Variants in PACSIN1 observed in about 807,000 individuals in gnomAD.
The protein encoded by PACSIN1 is protein kinase C and casein kinase substrate in neurons 1.
In PACSIN1, 15 loss-of-function variants were observed where a neutral mutation model predicts 59.5. The ratio of observed to expected loss-of-function variants is 0.25; its 90% confidence interval spans 0.17 to 0.39. The LOEUF (loss-of-function observed/expected upper bound fraction) is 0.39, where lower values mean the gene tolerates loss of function less well. Among genes scored for constraint, PACSIN1 ranks in the 10% least tolerant of loss-of-function variants. PACSIN1 has a pLI of 1.00. For synonymous variants in PACSIN1, 210 were observed against 220.6 expected, an observed-to-expected ratio of 0.95 and a Z score of 0.42; for missense variants, 420 against 580.2, an observed-to-expected ratio of 0.72 and a Z score of 2.84.
chr6:34,520,128 G>GCCCTA (rs1767362531), intron 1 of PACSIN1, among the ~76,000 whole-genome samples: 1 of 152,070 alleles, frequency 6.6e-6, no homozygotes, highest in African/African-American at 2.4e-5. Context: ...CCTGGGTTGT[G>GCCCTA]GGGAGACATG....
chr6:34,476,739 G>C (rs1766643785), intron 1 of PACSIN1, among the ~76,000 whole-genome samples: 1 of 152,218 alleles, frequency 6.6e-6, no homozygotes, highest in South Asian at 2.1e-4. Context: ...GGCCTGGTAA[G>C]CTGCAAAGCT....
chr6:34,516,990 C>T lies in PACSIN1; in HGVS notation c.-63-9253C>T, dbSNP rs1581979760. Among the ~76,000 whole-genome samples, 2 of 152,146 alleles carry T rather than the reference C, an allele frequency of 1.3e-5. No homozygotes were observed. The highest frequency in any genetic ancestry group is 2.1e-4 in the South Asian group (1 of 4,832). On this transcript the variant is annotated intron_variant, in intron 1 of 9. Transcript: ENST00000244458. This position sits in a 1 kb window ranked among gnomAD's most constrained non-coding sequence, Gnocchi z 5.4. The stretch of plus-strand genomic sequence containing the variant: ...GCCCCTCCTCACTGCCCTTGACCCC[C>T]GTGCAGGAGCTGGCAAGGGTGAGGA...
intron 1 of PACSIN1, among the ~76,000 whole-genome samples, chr6:34,517,728 C>G (rs1767317773): frequency 6.6e-6 from 1 of 152,202 alleles, no homozygotes; most frequent in Admixed American, 6.5e-5. Flanking sequence ...ACTCCTCGCC[C>G]CCATCTTCCC....
intron 1 of PACSIN1, among the ~76,000 whole-genome samples, chr6:34,486,516 T>C (rs2127249684): frequency 6.6e-6 from 1 of 152,282 alleles, no homozygotes; most frequent in African/African-American, 2.4e-5. Context: ...TTCAGTCCAG[T>C]GCTGCACTAG....
At chr6:34,477,502 G>A (rs1174215932) in intron 1 of PACSIN1, among the ~76,000 whole-genome samples, 1 of 152,106 alleles carries the variant, frequency 6.6e-6, no homozygotes, top group Admixed American at 6.5e-5. Context: ...ACAGCTGGGG[G>A]ACCAGGGGCA....
intron 1 of PACSIN1, among the ~76,000 whole-genome samples, chr6:34,500,220 G>T (rs190988630): frequency 6.6e-6 from 1 of 152,304 alleles, no homozygotes; most frequent in East Asian, 1.9e-4. Context: ...CACCCATTAT[G>T]ATGGCCATTA....
chr6:34,528,907 T>TGGCCGGGGGGGGGGG, intron 4 of PACSIN1, 30 bp downstream of exon 4: 1 of 250,436 alleles, frequency 4.0e-6, no homozygotes, highest in Non-Finnish European at 7.9e-6. Flanking sequence ...ACGGGCGGGG[T>TGGCCGGGGGGGGGGG]GGGGTGGGCC....
At position 34,527,499 on chromosome 6, in the gene PACSIN1, A is replaced by G; in HGVS notation, c.220+11A>G. 1 of 1,580,472 alleles carries G rather than the reference A, an allele frequency of 6.3e-7. No individual in the cohort carries two copies. Among genetic ancestry groups the G allele is most frequent in the South Asian group, 1.2e-5 (1 of 86,080 alleles). ...AGCTCATCGAGAAAGGTGCTCCCCCAGGCTCACATCGTGCGCGCCCCCAGG... is the reference window on the plus strand; with the variant it reads ...AGCTCATCGAGAAAGGTGCTCCCCCGGGCTCACATCGTGCGCGCCCCCAGG... On this transcript the variant is annotated intron_variant, in intron 3 of 9. Transcript: ENST00000244458.
In PACSIN1 at chr6:34,526,297, G is replaced by C. The variant is rs367876328; in HGVS notation, c.-9G>C. Reference sequence around the variant, plus strand: ...GCTCCGCACTTGTCCATCCCCCTGCGGCTACACCATGTCCAGCTCCTACGA... The same window carrying C: ...GCTCCGCACTTGTCCATCCCCCTGCCGCTACACCATGTCCAGCTCCTACGA... On this transcript the variant is annotated 5_prime_UTR_variant, in exon 2 of 10. Transcript: ENST00000244458. 5.8e-5 allele frequency: 93 copies of C among 1,611,152 alleles called. No homozygotes were observed. Among genetic ancestry groups the C allele is most frequent in the Non-Finnish European group, 7.0e-5 (82 of 1,179,532 alleles).
rs1308799323 is a variant in PACSIN1 at position 34,535,122 on chromosome 6, T to G, written c.*2592T>G. The stretch of plus-strand genomic sequence containing the variant: ...AGTGCTGTGGTCTCAGCAATGCACC[T>G]GTTTTGTACATGATTGTGTAATTTA... On this transcript the variant is annotated 3_prime_UTR_variant, in exon 10 of 10. Coordinates refer to ENST00000244458, the MANE Select transcript of PACSIN1 (RefSeq NM_020804.5). 1 of 152,390 alleles carries G rather than the reference T, an allele frequency of 6.6e-6. No individual in the cohort carries two copies. The highest frequency in any genetic ancestry group is 1.5e-5 in the Non-Finnish European group (1 of 68,044). 9.4% of individuals were successfully genotyped at this position (152,390 alleles called of 1,614,324 possible). A position where few individuals can be genotyped will look rare whatever the true frequency, so the allele number is the denominator to read the frequency against.
rs1767277880 is a variant in PACSIN1, at chr6:34,515,599, C to T, written c.-63-10644C>T. Among the ~76,000 whole-genome samples the T allele has an allele frequency of 6.6e-6, 1 of 152,154 alleles. No individual in the cohort carries two copies. Among genetic ancestry groups the T allele is most frequent in the South Asian group, 2.1e-4 (1 of 4,824 alleles). ...TAGAGCCCCCTGGTCAGGTCAGAGG[C>T]ATCTACCTCCTGCCCCAACCTCAGG... On this transcript the variant is annotated intron_variant, in intron 1 of 9. Transcript: ENST00000244458. The surrounding 1 kb of genome is among the most constrained non-coding windows in gnomAD (Gnocchi z 4.4).
intron 1 of PACSIN1, among the ~76,000 whole-genome samples, chr6:34,502,527 G>A (rs897823640): frequency 5.0e-5 from 7 of 138,918 alleles, no homozygotes; most frequent in African/African-American, 1.1e-4. Context: ...GTGCAGTGGC[G>A]TGATCTCGGC....
intron 1 of PACSIN1, among the ~76,000 whole-genome samples, chr6:34,489,566 G>A (rs1766842412): frequency 6.6e-6 from 1 of 152,180 alleles, no homozygotes; most frequent in Non-Finnish European, 1.5e-5. Flanking sequence ...AGTAGCTCTT[G>A]CCCCGCAGGC....
At chr6:34,493,729 C>T (rs1355884353) in intron 1 of PACSIN1, among the ~76,000 whole-genome samples, 1 of 150,770 alleles carries the variant, frequency 6.6e-6, no homozygotes, top group Non-Finnish European at 1.5e-5. Context: ...GATTCTAATA[C>T]CAAGGGTCTT....
At chr6:34,482,062 C>CTTGTTTTG (rs1561956927) in intron 1 of PACSIN1, among the ~76,000 whole-genome samples, 2 of 152,016 alleles carry the variant, frequency 1.3e-5, no homozygotes, top group Non-Finnish European at 2.9e-5. Context: ...TGACTGGCTT[C>CTTGTTTTG]TTTTTTTGTT....
At chr6:34,513,424 C>T (rs1767236480) in intron 1 of PACSIN1, among the ~76,000 whole-genome samples, 1 of 152,092 alleles carries the variant, frequency 6.6e-6, no homozygotes, top group Admixed American at 6.5e-5. Flanking sequence ...CTGCAGTGAC[C>T]CTTGCCCGAG....
chr6:34,473,819 A>G (rs138049135), intron 1 of PACSIN1, among the ~76,000 whole-genome samples: 1 of 152,342 alleles, frequency 6.6e-6, no homozygotes, highest in East Asian at 1.9e-4. Context: ...ATACCAACAC[A>G]TGTCCAATCT....
At position 34,516,079 on chromosome 6, in the gene PACSIN1, A is replaced by T. The variant is rs935212923; in HGVS notation, c.-63-10164A>T. The stretch of plus-strand genomic sequence containing the variant: ...CTAGCCTGCAAGGGGCAGAAGGTTG[A>T]TGTGTGCAACTATGGGCGTGCTTAA... On this transcript the variant is annotated intron_variant, in intron 1 of 9. Transcript: ENST00000244458. The surrounding 1 kb of genome is among the most constrained non-coding windows in gnomAD (Gnocchi z 5.4). 2.0e-5 allele frequency among the ~76,000 whole-genome samples: 3 copies of T among 152,046 alleles called. No individual in the cohort carries two copies. The highest frequency in any genetic ancestry group is 7.2e-5 in the African/African-American group (3 of 41,390).
At chr6:34,517,600 G>A (rs961900516) in intron 1 of PACSIN1, among the ~76,000 whole-genome samples, 5 of 151,646 alleles carry the variant, frequency 3.3e-5, no homozygotes, top group African/African-American at 1.2e-4. Flanking sequence ...GCCTTTGCAT[G>A]GGCTGTTCAG....
Sources: allele counts gnomAD v4.1 joint callset (sites outside exome capture counted in the v4.1 genomes callset), GRCh38; gene constraint gnomAD v4.1.1; non-coding constraint Gnocchi (gnomAD v3.1); transcripts MANE v1.5; gene names NCBI Gene and HGNC (gene_info 2026-07-23, HGNC 2026-07-21).